The following DCX variants were observed in gnomAD, a reference collection of about 807,000 sequenced individuals.
DCX encodes neuronal migration protein doublecortin.
Under a neutral mutation model 20.9 loss-of-function variants are expected in DCX, and 4 were observed. The ratio of observed to expected loss-of-function variants is 0.19; its 90% confidence interval spans 0.09 to 0.44. The LOEUF (loss-of-function observed/expected upper bound fraction) is 0.44. DCX is among the 20% of genes least tolerant of loss of function. The pLI is 0.99. For missense variants in DCX, 133 were observed against 296.9 expected (o/e 0.45, Z 4.06); for synonymous variants, 103 against 111.4 (o/e 0.92, Z 0.47).
chrX:111,319,921 T>C (rs1386752987), intron 5 of DCX, among the ~76,000 whole-genome samples: 1 of 112,398 alleles, frequency 8.9e-6, no homozygotes, highest in Non-Finnish European at 1.9e-5. Flanking sequence ...TGTACGTTTA[T>C]ATATGTTCCC....
chrX:111,390,971 A>G (rs1926894621), intron 3 of DCX, among the ~76,000 whole-genome samples: 1 of 102,941 alleles, frequency 9.7e-6, no homozygotes, highest in African/African-American at 3.6e-5. Flanking sequence ...ATGCCACTGC[A>G]TTCCAGTCTG....
At chrX:111,350,683 C>T (rs1055812048) in intron 3 of DCX, among the ~76,000 whole-genome samples, 3 of 112,107 alleles carry the variant, frequency 2.7e-5, no homozygotes, top group African/African-American at 9.7e-5. Context: ...ACAGTCAATT[C>T]CACCACAAGA....
chrX:111,381,538 C>T (rs985818275), intron 3 of DCX, among the ~76,000 whole-genome samples: 20 of 110,669 alleles, frequency 1.8e-4, no homozygotes, highest in African/African-American at 6.6e-4. Flanking sequence ...AAGAAGGCAG[C>T]CATTTGTTCT....
intron 3 of DCX, among the ~76,000 whole-genome samples, chrX:111,350,315 T>A (rs1923206306): frequency 9.0e-6 from 1 of 111,662 alleles, no homozygotes; most frequent in Non-Finnish European, 1.9e-5. Context: ...GAGCTGTTGT[T>A]ATAGCCTAGA....
At chrX:111,384,621 T>A (rs955483614) in intron 3 of DCX, among the ~76,000 whole-genome samples, 1 of 111,866 alleles carries the variant, frequency 8.9e-6, no homozygotes. Context: ...TTAATGATTA[T>A]AAAGGACCAT....
At chrX:111,308,228 T>C (rs966074512) in intron 6 of DCX, among the ~76,000 whole-genome samples, 1 of 112,092 alleles carries the variant, frequency 8.9e-6, no homozygotes, top group African/African-American at 3.2e-5. Context: ...AACAAAATGT[T>C]TGTAACAAAT....
intron 6 of DCX, among the ~76,000 whole-genome samples, chrX:111,307,088 T>C (rs1374725354): frequency 2.7e-5 from 3 of 110,548 alleles, no homozygotes; most frequent in East Asian, 2.8e-4. Context: ...AGTGGTATAC[T>C]AAATTACCTT....
intron 3 of DCX, among the ~76,000 whole-genome samples, chrX:111,386,503 C>A (rs1021706573): frequency 9.0e-6 from 1 of 111,275 alleles, no homozygotes; most frequent in African/African-American, 3.3e-5. Flanking sequence ...CCAACCACCA[C>A]CAGCTTCCAG....
At chrX:111,389,383 C>G (rs1001935741) in intron 3 of DCX, among the ~76,000 whole-genome samples, 10 of 111,229 alleles carry the variant, frequency 9.0e-5, no homozygotes, top group African/African-American at 3.3e-4. Context: ...CAATTTCTCA[C>G]ATGCACCCTT....
At chrX:111,407,669 A>G (rs956343568) in intron 2 of DCX, among the ~76,000 whole-genome samples, 127 of 111,424 alleles carry the variant, frequency 1.1e-3, no homozygotes, top group African/African-American at 3.8e-3. Flanking sequence ...GGAGTGACAG[A>G]TAAGAGGAGT....
At chrX:111,321,474 C>T (rs1269578576) in intron 5 of DCX, among the ~76,000 whole-genome samples, 1 of 111,644 alleles carries the variant, frequency 9.0e-6, no homozygotes, top group East Asian at 2.8e-4. Context: ...CAAGCCCAAA[C>T]AGGATGGTTG....
At chrX:111,327,378 TA>T (rs1201587118) in intron 5 of DCX, among the ~76,000 whole-genome samples, 3 of 111,542 alleles carry the variant, frequency 2.7e-5, no homozygotes, top group Admixed American at 9.5e-5. Flanking sequence ...GGCTAACAGC[TA>T]AAAAAAATTG....
intron 5 of DCX, among the ~76,000 whole-genome samples, chrX:111,314,763 A>G (rs2095065707): frequency 1.8e-5 from 2 of 112,177 alleles, no homozygotes; most frequent in South Asian, 3.7e-4. Context: ...TTCCCATAAC[A>G]ACACATAGGC....
At chrX:111,316,650 A>C (rs996794617) in intron 5 of DCX, among the ~76,000 whole-genome samples, 16 of 111,802 alleles carry the variant, frequency 1.4e-4, no homozygotes, top group Middle Eastern at 4.2e-3. Flanking sequence ...TCTGTAGGTG[A>C]TATGATTCTA....
At position 111,338,833 on chromosome X, in the gene DCX, TTA is replaced by T. The variant is rs916052497; in HGVS notation, c.706-5682_706-5681del. On this transcript the variant is annotated intron_variant, in intron 3 of 6. Transcript: ENST00000636035. ...GAAACACTTCCACATTTATGGTATT[TTA>T]TGTTTTCTTTCATACTTGTAATTCT... is the stretch of plus-strand genomic sequence containing the variant. Among the ~76,000 whole-genome samples the T allele has an allele frequency of 9.0e-5, 10 of 110,981 alleles. No individual in the cohort carries two copies. The Admixed American group carries it at 9.6e-4, about 11-fold the overall frequency.
At chrX:111,322,119 T>C (rs1457910985) in intron 5 of DCX, among the ~76,000 whole-genome samples, 1 of 112,054 alleles carries the variant, frequency 8.9e-6, no homozygotes, top group Non-Finnish European at 1.9e-5. Context: ...ATTTCAGCTG[T>C]TTTTCTGCAG....
At chrX:111,316,420 TG>T (rs763178720) in intron 5 of DCX, among the ~76,000 whole-genome samples, 2 of 110,542 alleles carry the variant, frequency 1.8e-5, no homozygotes, top group African/African-American at 6.6e-5. Context: ...TTAGTAGAGA[TG>T]GGGTTTCACC....
chrX:111,312,462 T>C (rs1427388699), intron 6 of DCX, among the ~76,000 whole-genome samples, 177 bp downstream of exon 6: 1 of 111,951 alleles, frequency 8.9e-6, no homozygotes, highest in East Asian at 2.8e-4. Context: ...GAGGAATAAA[T>C]AAAAGTGACT....
intron 3 of DCX, among the ~76,000 whole-genome samples, chrX:111,378,657 G>T (rs1268536212): frequency 1.8e-5 from 2 of 110,855 alleles, no homozygotes. Flanking sequence ...TTAGTAGCTT[G>T]CCCCACGACT....
Sources: gnomAD v4.1 joint callset for allele counts (sites outside exome capture counted in the v4.1 genomes callset) on GRCh38, gnomAD v4.1.1 for gene constraint, MANE v1.5 for transcripts, NCBI Gene and HGNC (gene_info 2026-07-23, HGNC 2026-07-21) for gene names.